TRPC4AP: variants seen among roughly 807,000 people sequenced by gnomAD.
TRPC4AP encodes the protein transient receptor potential cation channel subfamily C member 4 associated protein.
TRPC4AP carries 45 observed loss-of-function variants against 99.0 expected under a neutral mutation model. The observed-to-expected ratio is 0.45, with a 90% CI of 0.36 to 0.58. TRPC4AP has a LOEUF of 0.58. Among genes scored for constraint, TRPC4AP ranks in the 20% least tolerant of loss-of-function variants. The pLI is 0.00. For synonymous variants in TRPC4AP, 408 were observed against 385.8 expected (o/e 1.06, Z -0.67); for missense variants, 879 against 985.3 (o/e 0.89, Z 1.44).
chr20:35,069,412 C>T lies in TRPC4AP; in HGVS notation c.298G>A (p.Glu100Lys). 1 of 1,593,352 alleles carries T rather than the reference C, an allele frequency of 6.3e-7. No individual in the cohort carries two copies. The highest frequency in any genetic ancestry group is 8.6e-7 in the Non-Finnish European group (1 of 1,164,694). ...DFVECQNILK[E>K]ISPLLSMEAM... is the part of the protein sequence containing the mutation. ...TCCATGGAGAGAAGAGGAGAAATTT[C>T]CTAGTTTTTTTAAAAAAAAGTACAT... The change falls in exon 3 of 19, where the codon GAA (glutamate) becomes AAA (lysine). Residue 100 changes from glutamate to lysine, a missense_variant and splice_region_variant. Around this residue, in one of 3 missense-constraint regions of TRPC4AP, gnomAD observed 603 missense variants for 631.8 expected, o/e 0.95. Coordinates refer to ENST00000252015, the MANE Select transcript of TRPC4AP (RefSeq NM_015638.3).
chr20:35,075,248 C>T (rs964657613), intron 2 of TRPC4AP, among the ~76,000 whole-genome samples: 1 of 152,224 alleles, frequency 6.6e-6, no homozygotes, highest in African/African-American at 2.4e-5. Context: ...GAGCATTTAG[C>T]CCATTTACAT....
chr20:35,018,577 T>G (rs1231735775), intron 9 of TRPC4AP, among the ~76,000 whole-genome samples: 2 of 117,166 alleles, frequency 1.7e-5, no homozygotes, highest in African/African-American at 3.4e-5. Flanking sequence ...CCAGCCTGGG[T>G]GGCAGAGCAA....
At chr20:35,088,921 G>C (rs1187338131) in intron 1 of TRPC4AP, among the ~76,000 whole-genome samples, 1 of 152,082 alleles carries the variant, frequency 6.6e-6, no homozygotes, top group Non-Finnish European at 1.5e-5. Context: ...TGGTTACCAA[G>C]GACTGGGAGG....
At position 35,069,321 on chromosome 20, in the gene TRPC4AP, A is replaced by C. The variant is rs1314915625; in HGVS notation, c.389T>G (p.Ile130Ser). 1 of 1,606,912 alleles carries C rather than the reference A, an allele frequency of 6.2e-7. No homozygotes were observed. The highest frequency in any genetic ancestry group is 8.5e-7 in the Non-Finnish European group (1 of 1,173,620). ...ATCAACACCTCCAAACAAGTCAAAA[A>C]TGTAAGTATTTGGATAAGTGGTTTC... ...TQETTYPNTY[I>S]FDLFGGVDLL... Residue 130 changes from isoleucine (I) to serine (S), a missense_variant, in exon 3 of 19, where the codon ATT (isoleucine) becomes AGT (serine). Physicochemically the swap from Ile to Ser is moderately radical, Grantham distance 142 (BLOSUM62 -2). This residue lies in a region of TRPC4AP where 603 missense variants were observed against 631.8 expected (regional missense o/e 0.95). Coordinates refer to ENST00000252015, the MANE Select transcript of TRPC4AP (RefSeq NM_015638.3).
intron 8 of TRPC4AP, among the ~76,000 whole-genome samples, chr20:35,033,326 C>G (rs1050951630): frequency 2.6e-5 from 4 of 152,096 alleles, no homozygotes; most frequent in Admixed American, 6.5e-5. Flanking sequence ...TCTCCTTCCC[C>G]AAAGACTGGT....
intron 2 of TRPC4AP, 100 bp from the exon 3 acceptor site, chr20:35,069,512 T>A (rs2084248874): frequency 1.3e-6 from 1 of 756,284 alleles, no homozygotes; most frequent in South Asian, 1.7e-5. Flanking sequence ...GGAGTTCCCA[T>A]GAACACAAAG....
At chr20:35,044,766 G>A in intron 6 of TRPC4AP, 54 bp from the exon 7 acceptor site, 2 of 1,563,404 alleles carry the variant, frequency 1.3e-6, no homozygotes, top group South Asian at 2.2e-5. Flanking sequence ...CAAGAGATTG[G>A]ATGTGCCTCT....
Position 35,021,312 on chromosome 20 carries a change from G to C in TRPC4AP, c.1096C>G (p.Leu366Val), listed in dbSNP as rs995979945. 1 of 1,614,184 alleles carries C rather than the reference G, an allele frequency of 6.2e-7. No individual in the cohort carries two copies. The highest frequency in any genetic ancestry group is 8.5e-7 in the Non-Finnish European group (1 of 1,180,036). ...TGGGTTCTGGCTGACGTGTGAGGCAGGCCATTCTCCTCAGAAGCCCCTGGA... is the reference window on the plus strand; with the variant it reads ...TGGGTTCTGGCTGACGTGTGAGGCACGCCATTCTCCTCAGAAGCCCCTGGA... ...PPPGASEENGLPHTSARTQLP... is the reference protein window; with the variant it reads ...PPPGASEENGVPHTSARTQLP... The change falls in exon 9 of 19, where the codon CTG becomes GTG. Residue 366 changes from leucine to valine, a missense_variant. Physicochemically the swap from Leu to Val is conservative, Grantham distance 32. Coordinates refer to ENST00000252015, the MANE Select transcript of TRPC4AP (RefSeq NM_015638.3).
At chr20:35,071,003 A>T (rs1338565637) in intron 2 of TRPC4AP, among the ~76,000 whole-genome samples, 1 of 151,954 alleles carries the variant, frequency 6.6e-6, no homozygotes, top group Non-Finnish European at 1.5e-5. Context: ...ACTTCACCTC[A>T]ATCTCCTGAG....
chr20:35,033,956 T>C (rs2083259823), intron 8 of TRPC4AP, among the ~76,000 whole-genome samples: 2 of 60,558 alleles, frequency 3.3e-5, no homozygotes, highest in African/African-American at 5.3e-5. Flanking sequence ...CCATCCTGGC[T>C]AACAAGGTGA....
In TRPC4AP at chr20:35,003,184, G is replaced by A; in HGVS notation, c.2356C>T (p.Pro786Ser). ...AAGTCCCTGTCTATGTCCATGTAGG[G>A]CTCCTCAATGTAGCTAACGAGAGCA... ...PSALVSYIEE[P>S]YMDIDRDFTE... is the part of the protein sequence containing the mutation. Residue 786 changes from proline (P) to serine (S), a missense_variant, in exon 19 of 19, where the codon CCC (proline) becomes TCC (serine). Around this residue, in one of 3 missense-constraint regions of TRPC4AP, gnomAD observed 224 missense variants for 264.7 expected, o/e 0.85. Transcript: ENST00000252015. 6.2e-7 allele frequency: 1 copy of A among 1,614,234 alleles called. No homozygotes were observed. Among genetic ancestry groups the A allele is most frequent in the Non-Finnish European group, 8.5e-7 (1 of 1,180,016 alleles).
At chr20:35,020,301 A>C (rs1430560982) in intron 9 of TRPC4AP, among the ~76,000 whole-genome samples, 1 of 152,170 alleles carries the variant, frequency 6.6e-6, no homozygotes, top group Non-Finnish European at 1.5e-5. Flanking sequence ...CACTCAGAGT[A>C]AAAACCAAAG....
chr20:35,086,537 G>GTATATATGTA (rs1289641922), intron 1 of TRPC4AP, among the ~76,000 whole-genome samples: 1 of 65,038 alleles, frequency 1.5e-5, no homozygotes, highest in African/African-American at 8.6e-5. Context: ...GTGTGTGTGT[G>GTATATATGTA]TGTGTGTGTG....
intron 14 of TRPC4AP, 45 bp downstream of exon 14, chr20:35,007,505 C>T (rs1220684137): frequency 6.3e-7 from 1 of 1,597,348 alleles, no homozygotes; most frequent in Admixed American, 1.7e-5. Flanking sequence ...AACGCGTGGG[C>T]TGGGGGGAGA....
chr20:35,015,766 G>A (rs2082740025), intron 10 of TRPC4AP, among the ~76,000 whole-genome samples: 1 of 152,160 alleles, frequency 6.6e-6, no homozygotes, highest in South Asian at 2.1e-4. Context: ...TGGGATTACA[G>A]GCCTGAGTCA....
chr20:35,016,244 G>C, intron 9 of TRPC4AP, 105 bp from the exon 10 acceptor site: 1 of 1,349,954 alleles, frequency 7.4e-7, no homozygotes, highest in Non-Finnish European at 1.0e-6. Flanking sequence ...ACAAGTATCA[G>C]TACTGTCAGT....
chr20:35,013,611 G>A lies in TRPC4AP; in HGVS notation c.1351-545C>T, dbSNP rs1392804652. Among the ~76,000 whole-genome samples, 5 of 152,232 alleles carry A rather than the reference G, an allele frequency of 3.3e-5. 1 individual carries two copies. The South Asian group carries it at 8.3e-4, about 25-fold the overall frequency. On this transcript the variant is annotated intron_variant, in intron 10 of 18. Transcript: ENST00000252015. Reference sequence around the variant, plus strand: ...AACCAACCAACAAACAAAACAACACGTGTGGGGAGGAGCGGGGGAAGTCCA... The same window carrying A: ...AACCAACCAACAAACAAAACAACACATGTGGGGAGGAGCGGGGGAAGTCCA...
intron 4 of TRPC4AP, among the ~76,000 whole-genome samples, chr20:35,056,547 AGTATGTC>A (rs1268535826): frequency 6.6e-6 from 1 of 152,158 alleles, no homozygotes; most frequent in Non-Finnish European, 1.5e-5. Context: ...GGCCTTATAC[AGTATGTC>A]GTATTGGGGT....
Position 35,078,027 on chromosome 20 carries a change from C to T in TRPC4AP, c.297+19G>A, listed in dbSNP as rs1368968149. The T allele has an allele frequency of 6.3e-7, 1 of 1,598,096 alleles. No homozygotes were observed. The highest frequency in any genetic ancestry group is 8.6e-7 in the Non-Finnish European group (1 of 1,169,244). On this transcript the variant is annotated intron_variant, in intron 2 of 18. Coordinates refer to ENST00000252015, the MANE Select transcript of TRPC4AP (RefSeq NM_015638.3). Reference sequence around the variant, plus strand: ...CCTAGAGGCCCTGAATACGCCCCTCCAAGGTCCTTAAGAGTTACCTTGAGG... The same window carrying T: ...CCTAGAGGCCCTGAATACGCCCCTCTAAGGTCCTTAAGAGTTACCTTGAGG...
Sources: gnomAD v4.1 joint callset for allele counts (sites outside exome capture counted in the v4.1 genomes callset) on GRCh38, gnomAD v4.1.1 for gene constraint, gnomAD v4.1.1 regional missense constraint, MANE v1.5 for transcripts, NCBI Gene and HGNC (gene_info 2026-07-23, HGNC 2026-07-21) for gene names.